NKAIN2: variants seen among roughly 807,000 people sequenced by gnomAD.
The protein encoded by NKAIN2 is sodium/potassium transporting ATPase interacting 2, also known as sodium/potassium-transporting ATPase subunit beta-1-interacting protein 2.
NKAIN2 carries 14 observed loss-of-function variants against 32.6 expected under a neutral mutation model. The ratio of observed to expected loss-of-function variants is 0.43; its 90% confidence interval spans 0.28 to 0.67. The LOEUF is 0.67. Among genes scored for constraint, NKAIN2 ranks in the 30% least tolerant of loss-of-function variants. NKAIN2 has a pLI of 0.17. For synonymous variants in NKAIN2, 80 were observed against 87.2 expected (o/e 0.92, Z 0.46); for missense variants, 198 against 258.3 (o/e 0.77, Z 1.60).
chr6:124,442,042 A>G (rs1465722989), intron 3 of NKAIN2, among the ~76,000 whole-genome samples: 1 of 152,068 alleles, frequency 6.6e-6, no homozygotes, highest in Non-Finnish European at 1.5e-5. Flanking sequence ...CTTCTTGTGC[A>G]TGTTAGATCA....
intron 1 of NKAIN2, among the ~76,000 whole-genome samples, chr6:124,104,733 C>T (rs1488955440): frequency 6.6e-6 from 1 of 152,160 alleles, no homozygotes. Context: ...TAATTTTGTT[C>T]TAAATGAGAT....
chr6:124,353,492 A>G (rs1325210377), intron 2 of NKAIN2, among the ~76,000 whole-genome samples: 1 of 152,102 alleles, frequency 6.6e-6, no homozygotes, highest in Non-Finnish European at 1.5e-5. Context: ...TGGTGGCTCA[A>G]TCCTGTAATC....
chr6:124,074,430 C>T (rs1783597686), intron 1 of NKAIN2, among the ~76,000 whole-genome samples: 1 of 152,170 alleles, frequency 6.6e-6, no homozygotes, highest in African/African-American at 2.4e-5. Context: ...ACACCAAAGG[C>T]CAACCTTGCA....
At chr6:124,769,718 C>T (rs144072577) in intron 4 of NKAIN2, among the ~76,000 whole-genome samples, 27 of 152,270 alleles carry the variant, frequency 1.8e-4, no homozygotes, top group South Asian at 8.3e-4. Context: ...AATGCATTCA[C>T]GACATTTGAG....
intron 1 of NKAIN2, among the ~76,000 whole-genome samples, chr6:124,125,751 A>C (rs1227661204): frequency 6.6e-6 from 1 of 152,174 alleles, no homozygotes; most frequent in Non-Finnish European, 1.5e-5. Context: ...CAGGTTTTTA[A>C]AGTGTTATGC....
intron 5 of NKAIN2, among the ~76,000 whole-genome samples, chr6:124,792,946 C>CAAAAATGTA (rs917248236): frequency 4.0e-5 from 6 of 151,468 alleles, no homozygotes; most frequent in South Asian, 2.1e-4. Context: ...TTAACATAAT[C>CAAAAATGTA]AAAAATGTAC....
intron 1 of NKAIN2, among the ~76,000 whole-genome samples, chr6:123,898,523 C>T (rs925391580): frequency 6.6e-6 from 1 of 150,994 alleles, no homozygotes; most frequent in Non-Finnish European, 1.5e-5. Context: ...TGCAAAATGT[C>T]CAGATATCGA....
chr6:124,297,843 A>G (rs943265700), intron 2 of NKAIN2, among the ~76,000 whole-genome samples: 8 of 152,054 alleles, frequency 5.3e-5, no homozygotes, highest in African/African-American at 1.9e-4. Flanking sequence ...AAAACCCTCA[A>G]AATTTCATAA....
intron 1 of NKAIN2, among the ~76,000 whole-genome samples, chr6:124,008,323 C>A (rs544556290): frequency 3.9e-5 from 6 of 152,034 alleles, no homozygotes; most frequent in Admixed American, 3.3e-4. Context: ...ATTTTACAAA[C>A]CAAACACAAT....
intron 1 of NKAIN2, among the ~76,000 whole-genome samples, chr6:124,209,323 A>G (rs1180065479): frequency 1.3e-5 from 2 of 151,836 alleles, no homozygotes; most frequent in Non-Finnish European, 2.9e-5. Flanking sequence ...ATGGCTGAAT[A>G]ATATTTCATT....
chr6:124,422,974 C>G (rs958701092), intron 3 of NKAIN2, among the ~76,000 whole-genome samples: 4 of 152,104 alleles, frequency 2.6e-5, no homozygotes, highest in Admixed American at 1.3e-4. Context: ...AAAATAAGAA[C>G]TAATTCCCGA....
At chr6:123,904,966 C>T (rs1343370261) in intron 1 of NKAIN2, among the ~76,000 whole-genome samples, 1 of 152,110 alleles carries the variant, frequency 6.6e-6, no homozygotes, top group Non-Finnish European at 1.5e-5. Flanking sequence ...TGAAATTCAT[C>T]ACTGTTCATT....
chr6:124,745,169 A>G (rs1300114882), intron 4 of NKAIN2, among the ~76,000 whole-genome samples: 1 of 151,892 alleles, frequency 6.6e-6, no homozygotes, highest in African/African-American at 2.4e-5. Context: ...CCATTTCCCA[A>G]AGGAAGGAAT....
At chr6:124,563,462 G>A (rs921062548) in intron 3 of NKAIN2, among the ~76,000 whole-genome samples, 12 of 151,952 alleles carry the variant, frequency 7.9e-5, no homozygotes, top group South Asian at 2.1e-4. Context: ...GCTTCTTTGC[G>A]CCTCTTCTCA....
intron 3 of NKAIN2, among the ~76,000 whole-genome samples, chr6:124,657,442 C>T (rs574116722): frequency 1.3e-3 from 197 of 152,246 alleles, no homozygotes; most frequent in Non-Finnish European, 2.2e-3. Flanking sequence ...TCTCTGAGTG[C>T]AAAATTCTAC....
intron 1 of NKAIN2, among the ~76,000 whole-genome samples, chr6:123,866,654 A>T (rs929868987): frequency 6.6e-6 from 1 of 151,736 alleles, no homozygotes; most frequent in African/African-American, 2.4e-5. Flanking sequence ...ATGGTCTCGA[A>T]CTCCTGACCT....
intron 1 of NKAIN2, among the ~76,000 whole-genome samples, chr6:123,921,893 T>C (rs917170323): frequency 2.6e-5 from 4 of 151,292 alleles, no homozygotes; most frequent in African/African-American, 9.7e-5. Context: ...ATTGCACCAC[T>C]GCACTCCAGC....
chr6:124,756,932 C>T (rs1777993041), intron 4 of NKAIN2, among the ~76,000 whole-genome samples: 1 of 152,062 alleles, frequency 6.6e-6, no homozygotes, highest in South Asian at 2.1e-4. Context: ...ATATGGCTCT[C>T]ATGTAGTTTT....
At chr6:124,394,675 C>A (rs563519433) in intron 3 of NKAIN2, among the ~76,000 whole-genome samples, 1 of 151,468 alleles carries the variant, frequency 6.6e-6, no homozygotes, top group Admixed American at 6.6e-5. Flanking sequence ...AAAACAGTGT[C>A]CCAGGTCAGC....
Sources: allele counts gnomAD v4.1 joint callset (sites outside exome capture counted in the v4.1 genomes callset), GRCh38; gene constraint gnomAD v4.1.1; transcripts MANE v1.5; gene names NCBI Gene and HGNC (gene_info 2026-07-23, HGNC 2026-07-21).